Variants in SLC25A12 observed in about 807,000 individuals in gnomAD.
The protein encoded by SLC25A12 is electrogenic aspartate/glutamate antiporter SLC25A12, mitochondrial.
In SLC25A12, 32 loss-of-function variants were observed where a neutral mutation model predicts 83.3. That is an observed-to-expected ratio of 0.38 (90% CI 0.29 to 0.52). The LOEUF (loss-of-function observed/expected upper bound fraction) is 0.52, where lower values mean the gene tolerates loss of function less well. Ranked by LOEUF, SLC25A12 falls within the 20% of genes least tolerant of loss-of-function variation. The pLI is 0.84. For missense variants in SLC25A12, 611 were observed against 835.6 expected (o/e 0.73, Z 3.31); for synonymous variants, 267 against 291.1 (o/e 0.92, Z 0.84).
In SLC25A12 at chr2:171,833,945, A is replaced by G. The variant is rs762052712; in HGVS notation, c.845+18T>C. 1 of 1,354,760 alleles carries G rather than the reference A, an allele frequency of 7.4e-7. No homozygotes were observed. The highest frequency in any genetic ancestry group is 1.1e-6 in the Non-Finnish European group (1 of 943,854). 83.9% of individuals were successfully genotyped at this position (1,354,760 alleles called of 1,614,324 possible). ...CTACTCTATAATAAATATCATGAAG[A>G]ATTATTGAAATACTTACCCTGAAGC... On this transcript the variant is annotated intron_variant, in intron 8 of 17. Transcript: ENST00000422440.
intron 8 of SLC25A12, among the ~76,000 whole-genome samples, chr2:171,833,551 G>A (rs1295630063): frequency 2.0e-5 from 3 of 152,142 alleles, no homozygotes; most frequent in African/African-American, 4.8e-5. Flanking sequence ...GATTACAGGC[G>A]TGAGCCACTG....
chr2:171,844,591 A>G (rs1684751796), intron 4 of SLC25A12, 83 bp from the exon 5 acceptor site: 1 of 1,014,652 alleles, frequency 9.9e-7, no homozygotes, highest in African/African-American at 1.6e-5. Context: ...GAAAAAAATT[A>G]AGAGAAGTTT....
chr2:171,887,307 G>A (rs76391567), intron 2 of SLC25A12, among the ~76,000 whole-genome samples: 3,249 of 152,108 alleles, frequency 0.021, 55 homozygotes, highest in Middle Eastern at 0.037. Context: ...TATGGGATAC[G>A]ATCTTCATTG....
At chr2:171,787,019 A>G (rs1690501394) in intron 17 of SLC25A12, among the ~76,000 whole-genome samples, 5 of 152,232 alleles carry the variant, frequency 3.3e-5, no homozygotes, top group Admixed American at 3.3e-4. Flanking sequence ...ATGTGAAAAA[A>G]GACAATTATT....
At chr2:171,831,372 G>A (rs1040503401) in intron 8 of SLC25A12, among the ~76,000 whole-genome samples, 10 of 152,110 alleles carry the variant, frequency 6.6e-5, no homozygotes, top group African/African-American at 2.2e-4. Context: ...TTGACTTTTG[G>A]AGGCATCAGA....
At chr2:171,880,067 C>A (rs1685658348) in intron 2 of SLC25A12, among the ~76,000 whole-genome samples, 1 of 152,044 alleles carries the variant, frequency 6.6e-6, no homozygotes, top group African/African-American at 2.4e-5. Context: ...ACATACTGAA[C>A]TATTTATGGA....
chr2:171,885,213 C>T (rs189794076), intron 2 of SLC25A12, among the ~76,000 whole-genome samples: 106 of 150,282 alleles, frequency 7.1e-4, no homozygotes, highest in Middle Eastern at 3.5e-3. Flanking sequence ...GGTAGTAGAA[C>T]ATCACATGGC....
chr2:171,796,984 A>T (rs1189364501), intron 13 of SLC25A12, among the ~76,000 whole-genome samples: 2 of 152,216 alleles, frequency 1.3e-5, no homozygotes, highest in Non-Finnish European at 2.9e-5. Context: ...AGAATGAGGG[A>T]CTATGATGTT....
At chr2:171,810,027 G>T (rs1387191692) in intron 12 of SLC25A12, among the ~76,000 whole-genome samples, 197 bp downstream of exon 12, 2 of 152,010 alleles carry the variant, frequency 1.3e-5, no homozygotes, top group African/African-American at 4.8e-5. Context: ...TTTTAATTTT[G>T]TTGTTGTTGT....
Position 171,815,112 on chromosome 2 carries a change from G to A in SLC25A12, c.1012+9C>T. ...CAAGCCTCAAACAGCACACAGACAT[G>A]TCACTCACCTCCAGCAACTGAGCCC... On this transcript the variant is annotated intron_variant, in intron 10 of 17. Coordinates refer to ENST00000422440, the MANE Select transcript of SLC25A12 (RefSeq NM_003705.5). 1 of 1,609,872 alleles carries A rather than the reference G, an allele frequency of 6.2e-7. No homozygotes were observed. Among genetic ancestry groups the A allele is most frequent in the Middle Eastern group, 1.7e-4 (1 of 6,056 alleles).
intron 14 of SLC25A12, among the ~76,000 whole-genome samples, chr2:171,792,447 C>T (rs1393578604): frequency 1.3e-5 from 2 of 151,186 alleles, no homozygotes; most frequent in Admixed American, 6.6e-5. Context: ...ACCACTGTGC[C>T]GGCTAATTTT....
chr2:171,875,286 T>C (rs1388888980), intron 2 of SLC25A12, among the ~76,000 whole-genome samples: 3 of 152,212 alleles, frequency 2.0e-5, no homozygotes, highest in Admixed American at 6.5e-5. Context: ...CCGCTGCTCA[T>C]TGGCTCCCAC....
intron 9 of SLC25A12, among the ~76,000 whole-genome samples, chr2:171,826,257 T>C (rs997928845): frequency 6.6e-6 from 1 of 152,214 alleles, no homozygotes; most frequent in African/African-American, 2.4e-5. Flanking sequence ...ACTCTTATTT[T>C]CCTTATCTGA....
At chr2:171,892,982 TA>T (rs149404006) in intron 2 of SLC25A12, among the ~76,000 whole-genome samples, 23 of 148,312 alleles carry the variant, frequency 1.6e-4, no homozygotes, top group South Asian at 2.1e-4. Context: ...TTAAGTCATG[TA>T]AAAAAAAAAG....
chr2:171,793,923 GC>G (rs1240438162), intron 13 of SLC25A12, among the ~76,000 whole-genome samples, 156 bp from the exon 14 acceptor site: 1 of 152,174 alleles, frequency 6.6e-6, no homozygotes, highest in East Asian at 1.9e-4. Flanking sequence ...TGACACTTAG[GC>G]CAACCCTGGA....
chr2:171,849,634 G>A (rs1396459382), intron 4 of SLC25A12, among the ~76,000 whole-genome samples: 1 of 144,706 alleles, frequency 6.9e-6, no homozygotes, highest in East Asian at 2.0e-4. Context: ...CACAATCTCA[G>A]CTCACTGACC....
intron 2 of SLC25A12, among the ~76,000 whole-genome samples, chr2:171,885,113 TGAGG>T (rs1574008084): frequency 6.8e-6 from 1 of 147,468 alleles, no homozygotes; most frequent in East Asian, 2.0e-4. Context: ...CTCGGGAGGC[TGAGG>T]CAGGAGAATG....
chr2:171,857,857 T>C (rs906180756), intron 3 of SLC25A12, among the ~76,000 whole-genome samples: 1 of 148,288 alleles, frequency 6.7e-6, no homozygotes, highest in African/African-American at 2.5e-5. Flanking sequence ...TGCCTGTGAA[T>C]AGCCACTGCA....
Position 171,783,674 on chromosome 2 carries a change from G to T in SLC25A12, c.*1600C>A, listed in dbSNP as rs1690436382. 6.6e-6 allele frequency among the ~76,000 whole-genome samples: 1 copy of T among 152,144 alleles called. No homozygotes were observed. Among genetic ancestry groups the T allele is most frequent in the Non-Finnish European group, 1.5e-5 (1 of 68,022 alleles). ...CATCTCACTCTAGATACATACATAG[G>T]ATTCTTTTGTAATCACATATCCATG... is the stretch of plus-strand genomic sequence containing the variant. On this transcript the variant is annotated 3_prime_UTR_variant, in exon 18 of 18. Transcript: ENST00000422440.
Sources: allele counts gnomAD v4.1 joint callset (sites outside exome capture counted in the v4.1 genomes callset), GRCh38; gene constraint gnomAD v4.1.1; transcripts MANE v1.5; gene names NCBI Gene and HGNC (gene_info 2026-07-23, HGNC 2026-07-21).